Variants in LCN6 observed in about 807,000 individuals in gnomAD.
LCN6 encodes the protein lipocalin 6.
LCN6 carries 20 observed loss-of-function variants against 21.4 expected under a neutral mutation model. That is an observed-to-expected ratio of 0.93 (90% confidence interval 0.66 to 1.36). The LOEUF (loss-of-function observed/expected upper bound fraction) is 1.36, where lower values mean the gene tolerates loss of function less well. LCN6 is among the 40% of genes most tolerant of loss of function. The pLI is 0.00. For synonymous variants in LCN6, 96 were observed against 89.0 expected (o/e 1.08, Z -0.44); for missense variants, 217 against 206.6 (o/e 1.05, Z -0.31).
chr9:136,745,755 CG>C lies in LCN6; in HGVS notation c.301+88del, dbSNP rs1847028775. 3.5e-6 allele frequency: 4 copies of C among 1,144,046 alleles called. No homozygotes were observed. In the East Asian group the frequency reaches 9.4e-5, roughly 27 times the overall value. 70.9% of individuals were successfully genotyped at this position (1,144,046 alleles called of 1,614,324 possible). On this transcript the variant is annotated intron_variant, in intron 3 of 6. Transcript: ENST00000341206. ...CCTGTAGCCTCCTGGCTCTCGGGAG[CG>C]GAGTCAGCCCTCCGTCCCTGCCCGC...
rs1041486315 is a variant in LCN6 at position 136,744,964 on chromosome 9, C to T, written c.412+206G>A. Among the ~76,000 whole-genome samples the T allele has an allele frequency of 5.9e-5, 9 of 151,738 alleles. No homozygotes were observed. Among genetic ancestry groups the T allele is most frequent in the African/African-American group, 1.2e-4 (5 of 41,262 alleles). On this transcript the variant is annotated intron_variant, in intron 4 of 6. Coordinates refer to ENST00000341206, the MANE Select transcript of LCN6 (RefSeq NM_198946.3). This position sits in a 1 kb window ranked among gnomAD's most constrained non-coding sequence, Gnocchi z 4.2. ...CACAGCTCCCCACATGGCCCCCGAG[C>T]GGCCCACTCACCACACAGCTCCCCA...
intron 2 of LCN6, among the ~76,000 whole-genome samples, chr9:136,746,226 A>ATGGGG: frequency 2.4e-5 from 2 of 85,034 alleles, no homozygotes; most frequent in East Asian, 3.7e-4. Flanking sequence ...CGGGGGAAAG[A>ATGGGG]TGGGGTGGGG....
At position 136,744,726 on chromosome 9, in the gene LCN6, G is replaced by A; in HGVS notation, c.428C>T (p.Ala143Val). The stretch of plus-strand genomic sequence containing the variant: ...GAAGAGCCCCATGGCCTCCTGGCTG[G>A]CTGTCTCCGTCAGACCTGGGGGCAC... ...TVELYSLTET[A>V]SQEAMGLFTK... is the part of the protein sequence containing the mutation. The change falls in exon 5 of 7, where the codon GCC becomes GTC. Residue 143 changes from alanine (A) to valine (V), a missense_variant. Ala to Val is a moderately conservative substitution (Grantham distance 64). Transcript: ENST00000341206. This position sits in a 1 kb window ranked among gnomAD's most constrained non-coding sequence, Gnocchi z 4.2. 1 of 1,609,552 alleles carries A rather than the reference G, an allele frequency of 6.2e-7. No homozygotes were observed. The highest frequency in any genetic ancestry group is 8.5e-7 in the Non-Finnish European group (1 of 1,177,840).
Position 136,747,634 on chromosome 9 carries a change from CCTCAG to C in LCN6, c.91-76_91-72del, listed in dbSNP as rs1240020085. On this transcript the variant is annotated intron_variant, in intron 1 of 6. Transcript: ENST00000341206. ...CAGCCTCCAGCCTCCAACCCTCCAGCCTCAGCCTCCAGCCTCCAAACCTCCAGCCT... is the reference window on the plus strand; with the variant it reads ...CAGCCTCCAGCCTCCAACCCTCCAGCCCTCCAGCCTCCAAACCTCCAGCCT... 7 of 1,475,932 alleles carry C rather than the reference CCTCAG, an allele frequency of 4.7e-6. No individual in the cohort carries two copies. In the African/African-American group the frequency reaches 1.3e-4, roughly 26 times the overall value. 91.4% of individuals were successfully genotyped at this position (1,475,932 alleles called of 1,614,324 possible).
rs1439586686 is a variant in LCN6, at chr9:136,744,683, G to GCTC, written c.468_470dup (p.Arg156dup). 6.2e-7 allele frequency: 1 copy of GCTC among 1,609,300 alleles called. No homozygotes were observed. Among genetic ancestry groups the GCTC allele is most frequent in the African/African-American group, 1.3e-5 (1 of 74,980 alleles). On this transcript the variant is annotated inframe_insertion, in exon 5 of 7. Transcript: ENST00000341206. The surrounding 1 kb of genome is among the most constrained non-coding windows in gnomAD (Gnocchi z 4.2). ...CCTGCTACTGTGACAGGAAGCCCAG[G>GCTC]CTCCTGCTCCACTTGGTGAAGAGCC...
Position 136,744,519 on chromosome 9 carries a change from CAGG to C in LCN6, c.*22+118_*22+120del. ...ACCCCCTCAGCCTGCCTGACTCCTT[CAGG>C]GCGACTGAGTCAGGCAGAAGCCAGA... On this transcript the variant is annotated intron_variant, in intron 5 of 6. Transcript: ENST00000341206. This position sits in a 1 kb window ranked among gnomAD's most constrained non-coding sequence, Gnocchi z 4.2. 1.6e-6 allele frequency: 1 copy of C among 641,680 alleles called. No homozygotes were observed. The highest frequency in any genetic ancestry group is 2.7e-6 in the Non-Finnish European group (1 of 364,080). 39.7% of individuals were successfully genotyped at this position (641,680 alleles called of 1,614,324 possible).
rs780955172 is a variant in LCN6, at chr9:136,748,344, AG to A, written c.90+49del. 5.3e-6 allele frequency: 8 copies of A among 1,504,924 alleles called. No individual in the cohort carries two copies. The South Asian group carries it at 9.4e-5, about 18-fold the overall frequency. The allele number at this position is 1,504,924 out of a possible 1,614,324, so 93.2% of individuals were successfully genotyped here. On this transcript the variant is annotated intron_variant, in intron 1 of 6. Transcript: ENST00000341206. ...CCCAGAAGCTGTGTGGCCTTAAAGGAGGGGCTGGCCCCCGAGGACCAGCTCT... is the reference window on the plus strand; with the variant it reads ...CCCAGAAGCTGTGTGGCCTTAAAGGAGGGCTGGCCCCCGAGGACCAGCTCT...
Position 136,744,854 on chromosome 9 carries a change from G to A in LCN6, c.413-113C>T, listed in dbSNP as rs916745422. On this transcript the variant is annotated intron_variant, in intron 4 of 6. Coordinates refer to ENST00000341206, the MANE Select transcript of LCN6 (RefSeq NM_198946.3). This position sits in a 1 kb window ranked among gnomAD's most constrained non-coding sequence, Gnocchi z 4.2. ...CCACCTGCCCTGGGATGCTGGCCCC[G>A]GTCCTTCCAAAGCCACCTCCAGTGC... The A allele has an allele frequency of 3.3e-5, 26 of 789,542 alleles. No individual in the cohort carries two copies. Among genetic ancestry groups the A allele is most frequent in the African/African-American group, 2.4e-4 (14 of 58,322 alleles). 48.9% of individuals were successfully genotyped at this position (789,542 alleles called of 1,614,324 possible).
At chr9:136,745,393 C>T (rs938439402) in intron 3 of LCN6, 113 bp from the exon 4 acceptor site, 1 of 739,018 alleles carries the variant, frequency 1.4e-6, no homozygotes, top group Non-Finnish European at 2.3e-6. Flanking sequence ...GAGAGCCCCC[C>T]TCCCCAGGAG....
Position 136,747,485 on chromosome 9 carries a change from C to T in LCN6, c.169G>A (p.Val57Met), listed in dbSNP as rs777381668. The T allele has an allele frequency of 1.5e-5, 25 of 1,613,612 alleles. No homozygotes were observed. The highest frequency in any genetic ancestry group is 2.7e-5 in the African/African-American group (2 of 74,910). ...GGAGTGAGGGTCACCACCACCCCCACGACGTTCTTCATGTCCTTCTCCATG... is the reference window on the plus strand; with the variant it reads ...GGAGTGAGGGTCACCACCACCCCCATGACGTTCTTCATGTCCTTCTCCATG... ...FAMEKDMKNVVGVVVTLTPEN... is the reference protein window; with the variant it reads ...FAMEKDMKNVMGVVVTLTPEN... The change falls in exon 2 of 7, where the codon GTG (valine) becomes ATG (methionine). Residue 57 changes from valine to methionine, a missense_variant. Val to Met is a conservative substitution (Grantham distance 21, BLOSUM62 1). Coordinates refer to ENST00000341206, the MANE Select transcript of LCN6 (RefSeq NM_198946.3).
chr9:136,747,114 C>G lies in LCN6; in HGVS notation c.230+310G>C, dbSNP rs530529551. The G allele has an allele frequency of 5.3e-5, 18 of 337,906 alleles. No individual in the cohort carries two copies. The East Asian group carries it at 7.6e-4, about 14-fold the overall frequency. The allele number at this position is 337,906 out of a possible 1,614,324, so 20.9% of individuals were successfully genotyped here. ...AAGGCCTGCTGAGAGGACAGGCTTC[C>G]CCAGCTCTGACCACAGCCTGCAGCC... On this transcript the variant is annotated intron_variant, in intron 2 of 6. Coordinates refer to ENST00000341206, the MANE Select transcript of LCN6 (RefSeq NM_198946.3).
chr9:136,747,407 A>G lies in LCN6; in HGVS notation c.230+17T>C. 1 of 1,611,106 alleles carries G rather than the reference A, an allele frequency of 6.2e-7. No individual in the cohort carries two copies. Among genetic ancestry groups the G allele is most frequent in the African/African-American group, 1.3e-5 (1 of 74,988 alleles). On this transcript the variant is annotated intron_variant, in intron 2 of 6. Transcript: ENST00000341206. Reference sequence around the variant, plus strand: ...AGTCCTGCCTGCGGGAAGGCCTGGCAGGACCCGCCCACTCACCCGTGCTGA... The same window carrying G: ...AGTCCTGCCTGCGGGAAGGCCTGGCGGGACCCGCCCACTCACCCGTGCTGA...
chr9:136,745,116 GAGTGGCC>G, intron 4 of LCN6, 47 bp downstream of exon 4: 11 of 166,536 alleles, frequency 6.6e-5, no homozygotes, highest in African/African-American at 1.1e-4. Context: ...CGTGGGCCCC[GAGTGGCC>G]CACGCACCAC....
At chr9:136,745,318 T>C (rs1847022956) in intron 3 of LCN6, 38 bp from the exon 4 acceptor site, 2 of 1,443,450 alleles carry the variant, frequency 1.4e-6, no homozygotes, top group Non-Finnish European at 1.9e-6. Context: ...GGAGGGCAGC[T>C]GCTGTATCCA....
At chr9:136,747,719 G>GA (rs1847065159) in intron 1 of LCN6, among the ~76,000 whole-genome samples, 156 bp from the exon 2 acceptor site, 2 of 118,890 alleles carry the variant, frequency 1.7e-5, no homozygotes, top group African/African-American at 3.7e-5. Flanking sequence ...CAACCCTCCA[G>GA]CCTCCAGCCT....
At chr9:136,748,310 C>T in intron 1 of LCN6, 84 bp downstream of exon 1, 1 of 1,250,096 alleles carries the variant, frequency 8.0e-7, no homozygotes, top group Non-Finnish European at 1.1e-6. Context: ...CTGGGCTAGC[C>T]CTGGGGGGCC....
At chr9:136,747,123 G>GACC (rs550176758) in intron 2 of LCN6, among the ~76,000 whole-genome samples, 209 of 152,130 alleles carry the variant, frequency 1.4e-3, no homozygotes, top group African/African-American at 5.0e-3. Flanking sequence ...CCCCAGCTCT[G>GACC]ACCACAGCCT....
At chr9:136,747,391 T>C (rs1847053234) in intron 2 of LCN6, 33 bp downstream of exon 2, 1 of 1,607,914 alleles carries the variant, frequency 6.2e-7, no homozygotes, top group Non-Finnish European at 8.5e-7. Flanking sequence ...CAGTCCTGCC[T>C]GCGGGAAGGC....
In LCN6 at chr9:136,748,408, G is replaced by C; in HGVS notation, c.76C>G (p.Leu26Val). The change falls in exon 1 of 7, where the codon CTG (leucine) becomes GTG (valine). Residue 26 changes from leucine (L) to valine (V), a missense_variant. Physicochemically the swap from Leu to Val is conservative, Grantham distance 32. Coordinates refer to ENST00000341206, the MANE Select transcript of LCN6 (RefSeq NM_198946.3). ...GAGGACTGTACCTGCTCAGGGTCCA[G>C]TCTTCCCAACCACACGGCCTGGGCC... The part of the protein sequence containing the change: ...PRAQAVWLGR[L>V]DPEQLLGPWY... 6.2e-7 allele frequency: 1 copy of C among 1,612,708 alleles called. No individual in the cohort carries two copies. Among genetic ancestry groups the C allele is most frequent in the Non-Finnish European group, 8.5e-7 (1 of 1,179,774 alleles).
Sources: allele counts gnomAD v4.1 joint callset (sites outside exome capture counted in the v4.1 genomes callset), GRCh38; gene constraint gnomAD v4.1.1; non-coding constraint Gnocchi (gnomAD v3.1); transcripts MANE v1.5; gene names NCBI Gene and HGNC (gene_info 2026-07-23, HGNC 2026-07-21).